The following EYA2 variants were observed in gnomAD, a reference collection of about 807,000 sequenced individuals.
The protein encoded by EYA2 is protein phosphatase EYA2.
Under a neutral mutation model 69.2 loss-of-function variants are expected in EYA2, and 31 were observed. That is an observed-to-expected ratio of 0.45 (90% CI 0.34 to 0.60). The LOEUF is 0.60. Ranked by LOEUF, EYA2 falls within the 20% of genes least tolerant of loss-of-function variation. The pLI, the probability that EYA2 is intolerant of heterozygous loss-of-function variation, is 0.02. For synonymous variants in EYA2, 257 were observed against 279.4 expected (o/e 0.92, Z 0.80); for missense variants, 622 against 701.2 (o/e 0.89, Z 1.28).
intron 1 of EYA2, among the ~76,000 whole-genome samples, chr20:46,926,497 CCTT>C (rs781061034): frequency 1.3e-5 from 2 of 152,276 alleles, no homozygotes; most frequent in South Asian, 2.1e-4. Flanking sequence ...GGGAGAAATT[CCTT>C]CTTCTTCTTC....
intron 1 of EYA2, among the ~76,000 whole-genome samples, chr20:46,956,278 A>G (rs777544289): frequency 1.7e-4 from 26 of 152,352 alleles, no homozygotes; most frequent in Non-Finnish European, 3.1e-4. Flanking sequence ...TATAACCCCT[A>G]CTTATTGTTT....
chr20:47,111,014 G>A (rs6094593), intron 9 of EYA2, among the ~76,000 whole-genome samples: 48,994 of 152,144 alleles, frequency 0.32, 9,084 homozygotes, highest in African/African-American at 0.51. Context: ...GTCCTTCATG[G>A]CAGTTTGGCT....
intron 1 of EYA2, among the ~76,000 whole-genome samples, chr20:46,968,595 T>C (rs1314416786): frequency 6.6e-6 from 1 of 152,196 alleles, no homozygotes; most frequent in Non-Finnish European, 1.5e-5. Context: ...AACAGGTTTC[T>C]CATGCTCAGC....
intron 1 of EYA2, among the ~76,000 whole-genome samples, chr20:46,960,561 C>T (rs986651774): frequency 3.9e-5 from 6 of 152,144 alleles, no homozygotes; most frequent in Admixed American, 1.3e-4. Flanking sequence ...TGGCTGGGCT[C>T]CCGTCGTCCA....
At chr20:47,089,896 T>G (rs1236431743) in intron 8 of EYA2, among the ~76,000 whole-genome samples, 1 of 151,626 alleles carries the variant, frequency 6.6e-6, no homozygotes, top group Non-Finnish European at 1.5e-5. Flanking sequence ...AAAGACTCAC[T>G]GGAGGAACTA....
chr20:46,987,176 T>A (rs1340170083), intron 1 of EYA2, among the ~76,000 whole-genome samples: 1 of 152,192 alleles, frequency 6.6e-6, no homozygotes, highest in Non-Finnish European at 1.5e-5. Flanking sequence ...CTGTTGAAAC[T>A]ACTCCGCTTA....
rs1357691314 is a variant in EYA2, at chr20:47,074,259, G to T, written c.585G>T (p.Ser195=). Reference sequence around the variant, plus strand: ...TCCCGGCCAGCAGCATCTGCCCTTCGCCCCTCTCCACGTCCACCTACGTCC... The same window carrying T: ...TCCCGGCCAGCAGCATCTGCCCTTCTCCCCTCTCCACGTCCACCTACGTCC... ...PYVPASSICP[S]PLSTSTYVLQ... Residue 195 remains serine, a synonymous_variant, in exon 7 of 16, where the codon TCG becomes TCT. Transcript: ENST00000327619. The T allele has an allele frequency of 3.1e-6, 5 of 1,613,826 alleles. No homozygotes were observed. The highest frequency in any genetic ancestry group is 4.2e-6 in the Non-Finnish European group (5 of 1,179,936).
intron 5 of EYA2, among the ~76,000 whole-genome samples, chr20:47,047,205 C>A (rs1203583905): frequency 6.6e-6 from 1 of 152,028 alleles, no homozygotes; most frequent in Non-Finnish European, 1.5e-5. Flanking sequence ...TAATTCTGGG[C>A]CTGGGAGTGA....
intron 1 of EYA2, among the ~76,000 whole-genome samples, chr20:46,902,730 C>G (rs1984173463): frequency 6.6e-6 from 1 of 152,120 alleles, no homozygotes; most frequent in African/African-American, 2.4e-5. Flanking sequence ...TTGAATCTGC[C>G]CTTGTAGAAA....
chr20:47,067,912 G>A (rs949285883), intron 5 of EYA2, among the ~76,000 whole-genome samples: 3 of 152,170 alleles, frequency 2.0e-5, no homozygotes, highest in African/African-American at 7.2e-5. Context: ...CTGAGTTGAT[G>A]TTTCTTTTCC....
chr20:47,070,201 A>AT (rs923391619), intron 5 of EYA2, among the ~76,000 whole-genome samples: 4 of 152,196 alleles, frequency 2.6e-5, no homozygotes. Flanking sequence ...GCCAAACCTA[A>AT]TTTTTTAAAA....
chr20:47,175,345 G>A (rs2034405893), intron 12 of EYA2, among the ~76,000 whole-genome samples: 1 of 152,166 alleles, frequency 6.6e-6, no homozygotes, highest in Non-Finnish European at 1.5e-5. Flanking sequence ...TAGGAGGCAG[G>A]GGTTGAAATC....
At chr20:47,050,455 G>A (rs544706778) in intron 5 of EYA2, among the ~76,000 whole-genome samples, 16 of 152,262 alleles carry the variant, frequency 1.1e-4, no homozygotes, top group African/African-American at 3.9e-4. Context: ...GCAGGAGTGG[G>A]AAAGAAAAGC....
At chr20:47,141,155 A>T (rs895365670) in intron 9 of EYA2, among the ~76,000 whole-genome samples, 2 of 152,250 alleles carry the variant, frequency 1.3e-5, no homozygotes, top group Admixed American at 6.5e-5. Flanking sequence ...TGTTCACCTC[A>T]CAGAGTTTGG....
intron 9 of EYA2, among the ~76,000 whole-genome samples, chr20:47,112,528 GCTC>G: frequency 6.6e-6 from 1 of 152,308 alleles, no homozygotes; most frequent in African/African-American, 2.4e-5. Context: ...TATCTGATCA[GCTC>G]CTTGCTGAGA....
rs111303908 is a variant in EYA2 at position 47,143,069 on chromosome 20, C to T, written c.899C>T (p.Thr300Met). 5,331 of 1,613,632 alleles carry T rather than the reference C, an allele frequency of 3.3e-3. 18 individuals carry two copies. The highest frequency in any genetic ancestry group is 4.0e-3 in the Non-Finnish European group (4,774 of 1,179,748). Residue 300 changes from threonine to methionine, a missense_variant, in exon 10 of 16, where the codon ACG becomes ATG. Thr to Met is a moderately conservative substitution (Grantham distance 81). Around this residue, in one of 2 missense-constraint regions of EYA2, gnomAD observed 257 missense variants for 351.5 expected, o/e 0.73. Coordinates refer to ENST00000327619, the MANE Select transcript of EYA2 (RefSeq NM_005244.5). ...FASRYGKDTT[T>M]SVRIGLMMEE... ...TTCTCTGCCTCGCAGGACACCACGACGTCCGTGCGCATTGGCCTTATGATG... is the reference window on the plus strand; with the variant it reads ...TTCTCTGCCTCGCAGGACACCACGATGTCCGTGCGCATTGGCCTTATGATG...
rs1261579351 is a variant in EYA2, at chr20:46,987,958, CTCTCTCTATATATATATATATATATATA to C, written c.-10-2041_-10-2014del. Among the ~76,000 whole-genome samples, 2 of 33,784 alleles carry C rather than the reference CTCTCTCTATATATATATATATATATATA, an allele frequency of 5.9e-5. 1 individual carries two copies. The highest frequency in any genetic ancestry group is 1.2e-4 in the Non-Finnish European group (2 of 16,948). 22.2% of individuals were successfully genotyped at this position (33,784 alleles called of 152,430 possible). On this transcript the variant is annotated intron_variant, in intron 1 of 15. Transcript: ENST00000327619. ...TCTCTCTCTCTCTCTCTCTCTCTCT[CTCTCTCTATATATATATATATATATATA>C]TATATATATATGGGGCAAAAAAAAA... is the stretch of plus-strand genomic sequence containing the variant.
chr20:47,018,097 G>T (rs1185050722), intron 5 of EYA2, among the ~76,000 whole-genome samples: 2 of 152,186 alleles, frequency 1.3e-5, no homozygotes, highest in African/African-American at 4.8e-5. Context: ...ATAACAGGAG[G>T]TGTGTGAAGG....
intron 5 of EYA2, among the ~76,000 whole-genome samples, chr20:47,067,965 A>G (rs1324155356): frequency 2.6e-5 from 4 of 152,186 alleles, no homozygotes; most frequent in Non-Finnish European, 5.9e-5. Flanking sequence ...TCCGGCCTCC[A>G]TGGTTCCTGA....
Sources: allele counts gnomAD v4.1 joint callset (sites outside exome capture counted in the v4.1 genomes callset), GRCh38; gene constraint gnomAD v4.1.1; regional missense constraint gnomAD v4.1.1; transcripts MANE v1.5; gene names NCBI Gene and HGNC (gene_info 2026-07-23, HGNC 2026-07-21).